Variants in ANO2 observed in about 807,000 individuals in gnomAD.
The protein encoded by ANO2 is anoctamin 2.
ANO2 carries 101 observed loss-of-function variants against 124.2 expected under a neutral mutation model. The observed-to-expected ratio is 0.81, with a 90% CI of 0.69 to 0.96. The LOEUF is 0.96. Among genes scored for constraint, ANO2 ranks in the 40% least tolerant of loss-of-function variants. The pLI is 0.00. For missense variants in ANO2, 1,293 were observed against 1,274.5 expected, an observed-to-expected ratio of 1.01 and a Z score of -0.22; for synonymous variants, 486 against 482.5, an observed-to-expected ratio of 1.01 and a Z score of -0.09.
chr12:5,804,514 G>C (rs1335356968), intron 9 of ANO2, among the ~76,000 whole-genome samples: 1 of 152,160 alleles, frequency 6.6e-6, no homozygotes, highest in Admixed American at 6.5e-5. Flanking sequence ...GCATCTTTCT[G>C]ACATCAACTT....
chr12:5,851,746 A>G (rs941910999), intron 4 of ANO2, among the ~76,000 whole-genome samples: 1 of 151,340 alleles, frequency 6.6e-6, no homozygotes, highest in African/African-American at 2.4e-5. Context: ...ACAGAGAGAG[A>G]GGCTAAGAGG....
intron 20 of ANO2, among the ~76,000 whole-genome samples, chr12:5,583,084 A>C (rs1942844804): frequency 6.6e-6 from 1 of 152,210 alleles, no homozygotes; most frequent in Non-Finnish European, 1.5e-5. Context: ...GGTGCCTATC[A>C]CATAGCAGAT....
At position 5,726,557 on chromosome 12, in the gene ANO2, T is replaced by C. The variant is rs189158720; in HGVS notation, c.1545+5963A>G. ...TCGACTCTGGCTCTGCCATGTATTA[T>C]CATTGATCAACTTATGTTCCCCTAT... is the stretch of plus-strand genomic sequence containing the variant. On this transcript the variant is annotated intron_variant, in intron 14 of 24. Transcript: ENST00000682330. Among the ~76,000 whole-genome samples, 254 of 152,310 alleles carry C rather than the reference T, an allele frequency of 1.7e-3. 1 individual carries two copies. Among genetic ancestry groups the C allele is most frequent in the Admixed American group, 2.9e-3 (45 of 15,304 alleles).
At chr12:5,885,032 C>G (rs947839149) in intron 3 of ANO2, among the ~76,000 whole-genome samples, 2 of 152,226 alleles carry the variant, frequency 1.3e-5, no homozygotes, top group Non-Finnish European at 2.9e-5. Context: ...TGTGGTCCAG[C>G]CTTCCCTGGC....
chr12:5,803,226 C>T (rs1001878680), intron 9 of ANO2, among the ~76,000 whole-genome samples: 1 of 152,200 alleles, frequency 6.6e-6, no homozygotes. Context: ...CCTATTCGAA[C>T]ATTTTAGCCA....
At position 5,770,920 on chromosome 12, in the gene ANO2, A is replaced by G. The variant is rs578205975; in HGVS notation, c.1056-19950T>C. ...GCCCTCTTCTCATGCTCACTCCCCT[A>G]CCTCCTCCATCTGCTCCAATGTCAC... is the stretch of plus-strand genomic sequence containing the variant. On this transcript the variant is annotated intron_variant, in intron 10 of 24. Coordinates refer to ENST00000682330, the MANE Select transcript of ANO2 (RefSeq NM_001364791.2). 2.0e-5 allele frequency among the ~76,000 whole-genome samples: 3 copies of G among 151,162 alleles called. No individual in the cohort carries two copies. The East Asian group carries it at 5.8e-4, about 29-fold the overall frequency.
Position 5,722,325 on chromosome 12 carries a change from T to C in ANO2, c.1545+10195A>G, listed in dbSNP as rs573637936. 1.2e-3 allele frequency among the ~76,000 whole-genome samples: 188 copies of C among 152,196 alleles called. 1 individual carries two copies. Among genetic ancestry groups the C allele is most frequent in the African/African-American group, 4.4e-3 (182 of 41,528 alleles). On this transcript the variant is annotated intron_variant, in intron 14 of 24. Transcript: ENST00000682330. ...ATTGAGACCATCCTGGCTAACACGG[T>C]GAAACCCCGTCTCTATTAAAAATAC...
chr12:5,846,598 A>T (rs1014789315), intron 4 of ANO2, among the ~76,000 whole-genome samples: 11 of 152,216 alleles, frequency 7.2e-5, no homozygotes, highest in African/African-American at 2.7e-4. Flanking sequence ...CAAGCCTGAA[A>T]TCAAGGTATC....
chr12:5,837,433 C>T (rs1012386541), intron 4 of ANO2, among the ~76,000 whole-genome samples: 2 of 145,754 alleles, frequency 1.4e-5, no homozygotes, highest in African/African-American at 5.1e-5. Context: ...CCCACTAACT[C>T]GTCATCTAGC....
At chr12:5,624,262 A>AACAGACAGACAG (rs372900392) in intron 16 of ANO2, among the ~76,000 whole-genome samples, 4 of 149,746 alleles carry the variant, frequency 2.7e-5, no homozygotes, top group Admixed American at 2.6e-4. Context: ...GAGAGAGAGA[A>AACAGACAGACAG]ACAGACAGAC....
Position 5,635,099 on chromosome 12 carries a change from C to T in ANO2, c.1816+53G>A, listed in dbSNP as rs955056419. 1.9e-5 allele frequency: 27 copies of T among 1,439,170 alleles called. No homozygotes were observed. The highest frequency in any genetic ancestry group is 2.7e-5 in the Admixed American group (1 of 37,540). 89.2% of individuals were successfully genotyped at this position (1,439,170 alleles called of 1,614,324 possible). ...TTATTTTATCACCAAAAGCCTTGCACGCATTGACTTAAAGAGGGCCTAGGA... is the reference window on the plus strand; with the variant it reads ...TTATTTTATCACCAAAAGCCTTGCATGCATTGACTTAAAGAGGGCCTAGGA... On this transcript the variant is annotated intron_variant, in intron 16 of 24. Coordinates refer to ENST00000682330, the MANE Select transcript of ANO2 (RefSeq NM_001364791.2). The surrounding 1 kb of genome is among the most constrained non-coding windows in gnomAD (Gnocchi z 5.2).
intron 14 of ANO2, among the ~76,000 whole-genome samples, chr12:5,685,907 T>C (rs1948684245): frequency 6.6e-6 from 1 of 152,234 alleles, no homozygotes; most frequent in African/African-American, 2.4e-5. Context: ...TGGAAATAGC[T>C]GATCTGCCCA....
rs1168160020 is a variant in ANO2, at chr12:5,578,376, G to A, written c.2376C>T (p.Thr792=). ...AAGTGGGGCACGTACCGATATCTTT[G>A]GTTCTTACAGCATCCGGCCGTCTCA... ...TELRRPDAVR[T]KDIGIWFDIL... The change falls in exon 21 of 25, where the codon ACC becomes ACT. Residue 792 remains threonine (T), a synonymous_variant. Coordinates refer to ENST00000682330, the MANE Select transcript of ANO2 (RefSeq NM_001364791.2). The A allele has an allele frequency of 6.2e-7, 1 of 1,613,708 alleles. No homozygotes were observed. Among genetic ancestry groups the A allele is most frequent in the African/African-American group, 1.3e-5 (1 of 74,934 alleles).
intron 15 of ANO2, among the ~76,000 whole-genome samples, chr12:5,637,351 G>C (rs1565504404): frequency 6.6e-6 from 1 of 151,308 alleles, no homozygotes; most frequent in Non-Finnish European, 1.5e-5. Context: ...GTGTGTGTGT[G>C]TGTGTGTGTA....
At chr12:5,926,083 T>C (rs1942064927) in intron 1 of ANO2, among the ~76,000 whole-genome samples, 1 of 152,236 alleles carries the variant, frequency 6.6e-6, no homozygotes, top group Non-Finnish European at 1.5e-5. Flanking sequence ...AACAGGATTC[T>C]TTTTCAGCAT....
At chr12:5,877,804 C>T (rs1225532861) in intron 3 of ANO2, among the ~76,000 whole-genome samples, 1 of 152,206 alleles carries the variant, frequency 6.6e-6, no homozygotes, top group Non-Finnish European at 1.5e-5. Context: ...AAGGAACGCA[C>T]AACCTAGATT....
At chr12:5,613,371 G>A (rs981636853) in intron 17 of ANO2, among the ~76,000 whole-genome samples, 2 of 152,186 alleles carry the variant, frequency 1.3e-5, no homozygotes, top group Non-Finnish European at 2.9e-5. Context: ...CCAGGAAAGC[G>A]AGGGTGAGAT....
intron 20 of ANO2, among the ~76,000 whole-genome samples, chr12:5,598,631 C>T (rs1943781574): frequency 6.6e-6 from 1 of 152,224 alleles, no homozygotes; most frequent in South Asian, 2.1e-4. Flanking sequence ...GCTGGGATGA[C>T]AGGCATGAGC....
At chr12:5,824,198 G>A (rs970692853) in intron 7 of ANO2, among the ~76,000 whole-genome samples, 5 of 152,188 alleles carry the variant, frequency 3.3e-5, no homozygotes, top group African/African-American at 1.2e-4. Context: ...TGCTACTTAT[G>A]CAAATTTCTG....
Sources: allele counts gnomAD v4.1 joint callset (sites outside exome capture counted in the v4.1 genomes callset), GRCh38; gene constraint gnomAD v4.1.1; non-coding constraint Gnocchi (gnomAD v3.1); transcripts MANE v1.5; gene names NCBI Gene and HGNC (gene_info 2026-07-23, HGNC 2026-07-21).